The following CATSPERB variants were observed in gnomAD, a reference collection of about 807,000 sequenced individuals.
CATSPERB encodes cation channel sperm-associated auxiliary subunit beta.
Under a neutral mutation model 128.3 loss-of-function variants are expected in CATSPERB, and 93 were observed. That is an observed-to-expected ratio of 0.72 (90% confidence interval 0.61 to 0.86). The LOEUF is 0.86. Ranked by LOEUF, CATSPERB falls within the 40% of genes least tolerant of loss-of-function variation. The probability of loss-of-function intolerance (pLI) is 0.00; values close to 1 mark genes in which losing one functional copy is unlikely to be tolerated. For missense variants in CATSPERB, 1,153 were observed against 1,329.5 expected (o/e 0.87, Z 2.06); for synonymous variants, 381 against 448.8 (o/e 0.85, Z 1.91).
intron 5 of CATSPERB, among the ~76,000 whole-genome samples, chr14:91,717,302 A>C (rs1895959578): frequency 6.6e-6 from 1 of 152,178 alleles, no homozygotes; most frequent in African/African-American, 2.4e-5. Context: ...GGTTGTATAC[A>C]TTTGTCAAAA....
intron 21 of CATSPERB, among the ~76,000 whole-genome samples, chr14:91,608,757 G>T (rs1243173546): frequency 6.6e-6 from 1 of 152,128 alleles, no homozygotes; most frequent in East Asian, 1.9e-4. Flanking sequence ...TAAATTAGTT[G>T]ATAAAGAGCA....
chr14:91,630,508 T>C (rs185542897), intron 17 of CATSPERB, among the ~76,000 whole-genome samples: 10 of 152,356 alleles, frequency 6.6e-5, no homozygotes, highest in Admixed American at 2.0e-4. Flanking sequence ...TTACCCTGCC[T>C]GATACCTGCA....
At chr14:91,661,548 T>TATATATATATATATATATATATATATA (rs1566722229) in intron 14 of CATSPERB, among the ~76,000 whole-genome samples, 65 of 146,828 alleles carry the variant, frequency 4.4e-4, no homozygotes, top group African/African-American at 1.6e-3. Flanking sequence ...TATATATATA[T>TATATATATATATATATATATATATATA]TTAAGACAGG....
rs755570157 is a variant in CATSPERB at position 91,588,059 on chromosome 14, ATT to A, written c.2974_2975del (p.Asn992TyrfsTer2). 1.9e-6 allele frequency: 3 copies of A among 1,607,304 alleles called. No homozygotes were observed. In the African/African-American group the frequency reaches 4.0e-5, roughly 21 times the overall value. On this transcript the variant is annotated frameshift_variant, in exon 25 of 27. Coordinates refer to ENST00000256343, the MANE Select transcript of CATSPERB (RefSeq NM_024764.4). LOFTEE classifies it high-confidence loss of function. ...CTACTAATTGTTTCATTCTTTTAAT[ATT>A]TTCTGGCACAGTGTGTTCTAAAAAT... ...NWKLKHTVPE[N>X]IKRMKQLVEP...
chr14:91,717,240 A>T (rs1895958346), intron 5 of CATSPERB, among the ~76,000 whole-genome samples: 1 of 152,128 alleles, frequency 6.6e-6, no homozygotes, highest in Admixed American at 6.5e-5. Context: ...TTATGGGTGG[A>T]GTGACTTTAT....
intron 14 of CATSPERB, among the ~76,000 whole-genome samples, chr14:91,665,783 T>A (rs1441329858): frequency 6.6e-6 from 1 of 152,010 alleles, no homozygotes; most frequent in Admixed American, 6.5e-5. Context: ...GGCAGGAGAA[T>A]CACTTGAACC....
chr14:91,662,412 G>T (rs1894902651), intron 14 of CATSPERB, among the ~76,000 whole-genome samples: 1 of 152,010 alleles, frequency 6.6e-6, no homozygotes, highest in Non-Finnish European at 1.5e-5. Flanking sequence ...CCATATAATA[G>T]TTCATTAGGT....
intron 22 of CATSPERB, chr14:91,604,748 C>T: frequency 1.9e-6 from 3 of 1,613,806 alleles, no homozygotes; most frequent in South Asian, 1.1e-5. Flanking sequence ...TGGAAAGTTC[C>T]CAGTCATGTT....
chr14:91,601,985 C>G (rs1893614680), intron 22 of CATSPERB, among the ~76,000 whole-genome samples: 1 of 152,108 alleles, frequency 6.6e-6, no homozygotes. Context: ...TTATTTCACA[C>G]TTACATAAAG....
In CATSPERB at chr14:91,683,912, T is replaced by C. The variant is rs946715992; in HGVS notation, c.896A>G (p.Asn299Ser). 2 of 1,607,410 alleles carry C rather than the reference T, an allele frequency of 1.2e-6. No individual in the cohort carries two copies. Among genetic ancestry groups the C allele is most frequent in the African/African-American group, 1.3e-5 (1 of 74,540 alleles). The change falls in exon 11 of 27, where the codon AAT becomes AGT. Residue 299 changes from asparagine (N) to serine (S), a missense_variant. Transcript: ENST00000256343. ...CTCTCTGTTAGCAAAACATCTTTCA[T>C]TATACCACAGTTTTCCTTTCACATA... ...VDYVKGKLWY[N>S]ERCFANREHF...
intron 22 of CATSPERB, among the ~76,000 whole-genome samples, chr14:91,593,701 T>G (rs1226711543): frequency 1.3e-5 from 2 of 152,150 alleles, no homozygotes; most frequent in African/African-American, 4.8e-5. Flanking sequence ...ATGTGGACTT[T>G]TGGGTTAATG....
intron 7 of CATSPERB, among the ~76,000 whole-genome samples, chr14:91,700,870 C>T (rs1360693174): frequency 1.3e-5 from 2 of 152,092 alleles, no homozygotes; most frequent in Non-Finnish European, 2.9e-5. Flanking sequence ...GTGCTATGCT[C>T]ACTATCTGGG....
chr14:91,681,566 T>C (rs565342196), intron 11 of CATSPERB, among the ~76,000 whole-genome samples: 1 of 152,352 alleles, frequency 6.6e-6, no homozygotes, highest in East Asian at 1.9e-4. Context: ...GAGTCCCGCC[T>C]TTAGACCTAA....
At chr14:91,656,280 C>T (rs566457075) in intron 15 of CATSPERB, among the ~76,000 whole-genome samples, 13 of 152,054 alleles carry the variant, frequency 8.5e-5, no homozygotes, top group Admixed American at 3.3e-4. Flanking sequence ...CACAGAAACA[C>T]ACAGAATATT....
intron 5 of CATSPERB, chr14:91,709,187 C>T (rs1895788443): frequency 6.6e-6 from 1 of 152,246 alleles, no homozygotes; most frequent in Non-Finnish European, 1.5e-5. Flanking sequence ...GCTGTCACCA[C>T]TCTCCATCAA....
Position 91,580,981 on chromosome 14 carries a change from T to C in CATSPERB, c.3259A>G (p.Arg1087Gly). ...CTTCTAATCCATCTTTGGAATGTCC[T>C]CCACGGATGGATGCCTTGCAGTTGA... is the stretch of plus-strand genomic sequence containing the variant. ...MFQLQGIHPW[R>G]TFQRWIRRNQ... Residue 1087 changes from arginine to glycine, a missense_variant, in exon 27 of 27, where the codon AGG (arginine) becomes GGG (glycine). Coordinates refer to ENST00000256343, the MANE Select transcript of CATSPERB (RefSeq NM_024764.4). 1 of 1,614,244 alleles carries C rather than the reference T, an allele frequency of 6.2e-7. No individual in the cohort carries two copies. The highest frequency in any genetic ancestry group is 8.5e-7 in the Non-Finnish European group (1 of 1,180,038).
chr14:91,622,023 C>G (rs1290315711), intron 18 of CATSPERB, 86 bp from the exon 19 acceptor site: 2 of 850,998 alleles, frequency 2.4e-6, no homozygotes, highest in Non-Finnish European at 3.5e-6. Context: ...AACAAATACA[C>G]TGTTTGAGTT....
At chr14:91,610,747 A>G (rs1749291428) in intron 20 of CATSPERB, 70 bp from the exon 21 acceptor site, 1 of 1,445,654 alleles carries the variant, frequency 6.9e-7, no homozygotes, top group South Asian at 1.2e-5. Flanking sequence ...CCAACCAAAA[A>G]TCACATGTTG....
chr14:91,584,092 TCTCA>T (rs1051511571), intron 26 of CATSPERB, among the ~76,000 whole-genome samples: 2 of 151,072 alleles, frequency 1.3e-5, no homozygotes, highest in African/African-American at 2.4e-5. Flanking sequence ...TGAGACAGAG[TCTCA>T]CTCTGTCGCC....
Sources: allele counts gnomAD v4.1 joint callset (sites outside exome capture counted in the v4.1 genomes callset), GRCh38; gene constraint gnomAD v4.1.1; transcripts MANE v1.5; gene names NCBI Gene and HGNC (gene_info 2026-07-23, HGNC 2026-07-21).